SFT2D1: variants seen among roughly 807,000 people sequenced by gnomAD.
SFT2D1 encodes vesicle transport protein SFT2A.
Under a neutral mutation model 28.1 loss-of-function variants are expected in SFT2D1, and 24 were observed. The ratio of observed to expected loss-of-function variants is 0.85; its 90% CI spans 0.62 to 1.20. SFT2D1 has a LOEUF of 1.20. Among genes scored for constraint, SFT2D1 ranks in the 50% most tolerant of loss-of-function variants. SFT2D1 has a pLI of 0.00. For synonymous variants in SFT2D1, 82 were observed against 73.7 expected, an observed-to-expected ratio of 1.11 and a Z score of -0.58; for missense variants, 181 against 190.9, an observed-to-expected ratio of 0.95 and a Z score of 0.31.
At chr6:166,341,332 C>T (rs1778776475) in intron 1 of SFT2D1, among the ~76,000 whole-genome samples, 1 of 151,590 alleles carries the variant, frequency 6.6e-6, no homozygotes, top group South Asian at 2.1e-4. Context: ...GCCTGTAATC[C>T]CAGCTACTCA....
chr6:166,338,448 G>C (rs1778705897), intron 1 of SFT2D1, among the ~76,000 whole-genome samples: 1 of 152,164 alleles, frequency 6.6e-6, no homozygotes, highest in Non-Finnish European at 1.5e-5. Flanking sequence ...AAACTAATGA[G>C]GCAGGTTCTA....
At chr6:166,328,532 A>G (rs1778493998) in intron 3 of SFT2D1, among the ~76,000 whole-genome samples, 175 bp from the exon 4 acceptor site, 1 of 152,182 alleles carries the variant, frequency 6.6e-6, no homozygotes, top group Non-Finnish European at 1.5e-5. Context: ...ACCAATAGAC[A>G]TGCTATGGTG....
At chr6:166,332,028 C>T (rs1438408203) in intron 1 of SFT2D1, among the ~76,000 whole-genome samples, 2 of 152,202 alleles carry the variant, frequency 1.3e-5, no homozygotes, top group African/African-American at 4.8e-5. Context: ...CTCCTATTGC[C>T]ATCTTCCGTG....
chr6:166,337,270 C>G (rs1339252691), intron 1 of SFT2D1, among the ~76,000 whole-genome samples: 1 of 152,206 alleles, frequency 6.6e-6, no homozygotes, highest in East Asian at 1.9e-4. Flanking sequence ...ACGCCTGGCA[C>G]AGTGGTTGGG....
intron 5 of SFT2D1, among the ~76,000 whole-genome samples, chr6:166,325,648 G>A (rs1233782154): frequency 6.6e-6 from 1 of 152,218 alleles, no homozygotes; most frequent in East Asian, 1.9e-4. Context: ...CAGCATGGTG[G>A]AGAGCACAGC....
At chr6:166,328,867 C>T (rs1431019081) in intron 3 of SFT2D1, among the ~76,000 whole-genome samples, 4 of 152,200 alleles carry the variant, frequency 2.6e-5, no homozygotes, top group African/African-American at 9.7e-5. Context: ...CCCAAAGATG[C>T]GACAAAGATT....
intron 4 of SFT2D1, among the ~76,000 whole-genome samples, chr6:166,327,803 T>A (rs4470829): frequency 0.67 from 101,624 of 151,220 alleles, 35,506 homozygotes; most frequent in East Asian, 0.93. Flanking sequence ...TAGGATATAT[T>A]TTTTTTTTGG....
intron 6 of SFT2D1, chr6:166,323,832 T>C (rs571828798): frequency 6.6e-6 from 1 of 152,296 alleles, no homozygotes; most frequent in South Asian, 2.1e-4. Flanking sequence ...GAGCATCATG[T>C]CAGCGTTCAA....
At chr6:166,337,958 C>G (rs1304437459) in intron 1 of SFT2D1, among the ~76,000 whole-genome samples, 1 of 152,106 alleles carries the variant, frequency 6.6e-6, no homozygotes, top group Non-Finnish European at 1.5e-5. Context: ...GAGACTAAAG[C>G]TCTCTGCTCT....
intron 1 of SFT2D1, among the ~76,000 whole-genome samples, chr6:166,340,524 C>G (rs544862478): frequency 2.0e-5 from 3 of 152,340 alleles, no homozygotes; most frequent in East Asian, 1.9e-4. Flanking sequence ...CCTGAACATG[C>G]TGACCACACA....
At chr6:166,320,981 C>T (rs1034973527) in intron 7 of SFT2D1, among the ~76,000 whole-genome samples, 4 of 152,104 alleles carry the variant, frequency 2.6e-5, no homozygotes, top group East Asian at 3.9e-4. Context: ...AGCGGCAGCA[C>T]GTGCCTGTAA....
chr6:166,335,013 G>C, intron 1 of SFT2D1: 1 of 502,666 alleles, frequency 2.0e-6, no homozygotes, highest in Non-Finnish European at 3.8e-6. Flanking sequence ...AAGAAAAGGG[G>C]CTATGCCTTC....
rs560092135 is a variant in SFT2D1, at chr6:166,330,738, G to C, written c.64-491C>G. ...GCATCCGAGTGCATCCGCACTCAGT[G>C]CAAGTCCTGCTGGAGGCAGAGGCTG... is the stretch of plus-strand genomic sequence containing the variant. On this transcript the variant is annotated intron_variant, in intron 1 of 7. Transcript: ENST00000361731. Among the ~76,000 whole-genome samples, 43 of 152,330 alleles carry C rather than the reference G, an allele frequency of 2.8e-4. No individual in the cohort carries two copies. The South Asian group carries it at 8.7e-3, about 31-fold the overall frequency.
chr6:166,335,211 T>C, intron 1 of SFT2D1: 1 of 613,060 alleles, frequency 1.6e-6, no homozygotes, highest in Non-Finnish European at 3.0e-6. Flanking sequence ...TTGGTGGGAA[T>C]GACAACTTCG....
chr6:166,333,494 C>G (rs889644294), intron 1 of SFT2D1, among the ~76,000 whole-genome samples: 66 of 152,214 alleles, frequency 4.3e-4, no homozygotes, highest in Non-Finnish European at 2.4e-4. Context: ...TCGGCCCCAC[C>G]GTGCTGACTC....
At chr6:166,328,162 TAAAAA>T (rs367915119) in intron 4 of SFT2D1, 109 bp downstream of exon 4, 1 of 431,368 alleles carries the variant, frequency 2.3e-6, no homozygotes, top group African/African-American at 2.1e-5. Flanking sequence ...AGTATAATAA[TAAAAA>T]AAAATAAAAA....
At chr6:166,326,690 C>T (rs1270433990) in intron 4 of SFT2D1, among the ~76,000 whole-genome samples, 1 of 152,210 alleles carries the variant, frequency 6.6e-6, no homozygotes, top group Admixed American at 6.5e-5. Context: ...TGTGGCACAG[C>T]CTCTTCACCA....
At chr6:166,324,329 C>T in intron 6 of SFT2D1, 1 of 486,826 alleles carries the variant, frequency 2.1e-6, no homozygotes, top group South Asian at 4.3e-5. Flanking sequence ...TCTACGAGCA[C>T]AGCACCCCAT....
At chr6:166,323,099 C>T (rs1244905347) in intron 6 of SFT2D1, 2 of 454,480 alleles carry the variant, frequency 4.4e-6, no homozygotes, top group Non-Finnish European at 7.8e-6. Flanking sequence ...AAATCACAAG[C>T]TTGCTTTAAC....
Sources: gnomAD v4.1 joint callset for allele counts (sites outside exome capture counted in the v4.1 genomes callset) on GRCh38, gnomAD v4.1.1 for gene constraint, MANE v1.5 for transcripts, NCBI Gene and HGNC (gene_info 2026-07-23, HGNC 2026-07-21) for gene names.